PRKD2: variants seen among roughly 807,000 people sequenced by gnomAD.
The protein encoded by PRKD2 is serine/threonine-protein kinase D2.
In PRKD2, 22 loss-of-function variants were observed where a neutral mutation model predicts 86.0. The observed-to-expected ratio is 0.26, with a 90% CI of 0.18 to 0.37. The LOEUF (loss-of-function observed/expected upper bound fraction) is 0.37. Ranked by LOEUF, PRKD2 falls within the 10% of genes least tolerant of loss-of-function variation. PRKD2 has a pLI of 1.00. For synonymous variants in PRKD2, 509 were observed against 510.9 expected, an observed-to-expected ratio of 1.00 and a Z score of 0.05; for missense variants, 818 against 1,199.2, an observed-to-expected ratio of 0.68 and a Z score of 4.70.
chr19:46,691,213 G>A (rs2053478974), intron 12 of PRKD2, among the ~76,000 whole-genome samples: 1 of 152,058 alleles, frequency 6.6e-6, no homozygotes, highest in African/African-American at 2.4e-5. Context: ...TGGCCAATCA[G>A]AATGCAGAAT....
chr19:46,695,632 T>C (rs1004238109), intron 9 of PRKD2, among the ~76,000 whole-genome samples: 1 of 151,894 alleles, frequency 6.6e-6, no homozygotes, highest in Non-Finnish European at 1.5e-5. Context: ...GCAGATGGAA[T>C]AGAATGAGAT....
chr19:46,714,116 C>T, intron 1 of PRKD2, 115 bp from the exon 2 acceptor site: 1 of 1,442,946 alleles, frequency 6.9e-7, no homozygotes, highest in East Asian at 2.5e-5. Context: ...ACGCAGAGAC[C>T]CCGCAGGCCC....
chr19:46,714,490 C>CGGGGGGGGG (rs1254751346), intron 1 of PRKD2: 9 of 43,564 alleles, frequency 2.1e-4, no homozygotes, highest in Admixed American at 4.6e-4. Flanking sequence ...GGGGGGGGGC[C>CGGGGGGGGG]GGGGGACTTG....
At chr19:46,694,488 G>T (rs544741697) in intron 9 of PRKD2, among the ~76,000 whole-genome samples, 1 of 152,024 alleles carries the variant, frequency 6.6e-6, no homozygotes, top group Non-Finnish European at 1.5e-5. Flanking sequence ...CCAGCTAATC[G>T]GGAGGCTGAG....
chr19:46,674,972 C>T (rs994761716), intron 17 of PRKD2, 61 bp downstream of exon 17: 21 of 1,460,912 alleles, frequency 1.4e-5, no homozygotes, highest in Admixed American at 9.8e-5. Context: ...AGCCAATAAG[C>T]GATCTACTCC....
At chr19:46,694,217 C>T in intron 9 of PRKD2, 84 bp from the exon 10 acceptor site, 2 of 1,538,684 alleles carry the variant, frequency 1.3e-6, no homozygotes, top group African/African-American at 1.4e-5. Context: ...ACACGGGATC[C>T]ATGTTGATAG....
At chr19:46,710,730 CCTTCCCCAAG>C (rs2053793467) in intron 3 of PRKD2, 167 bp downstream of exon 3, 1 of 778,384 alleles carries the variant, frequency 1.3e-6, no homozygotes, top group Non-Finnish European at 2.0e-6. Flanking sequence ...CCCCACCACT[CCTTCCCCAAG>C]CTCTGCTTCT....
intron 7 of PRKD2, 78 bp from the exon 8 acceptor site, chr19:46,697,928 G>T: frequency 9.0e-7 from 1 of 1,107,864 alleles, no homozygotes. Flanking sequence ...GGGCATCTCT[G>T]GGAAACTAGG....
intron 14 of PRKD2, among the ~76,000 whole-genome samples, chr19:46,682,124 A>G (rs1207869252): frequency 6.6e-6 from 1 of 152,022 alleles, no homozygotes; most frequent in Non-Finnish European, 1.5e-5. Context: ...CTCCTGCCTC[A>G]GCCTCCCGAG....
intron 16 of PRKD2, among the ~76,000 whole-genome samples, chr19:46,676,880 C>A (rs906965663): frequency 6.6e-6 from 1 of 151,912 alleles, no homozygotes; most frequent in African/African-American, 2.4e-5. Flanking sequence ...GCTAACATGG[C>A]GAAACCCTGT....
At chr19:46,707,139 G>A (rs998582514) in intron 3 of PRKD2, among the ~76,000 whole-genome samples, 111 of 151,678 alleles carry the variant, frequency 7.3e-4, no homozygotes, top group Non-Finnish European at 1.8e-4. Flanking sequence ...TGATCCGCCC[G>A]CCTTGGCCTC....
chr19:46,708,396 C>T (rs2053749324), intron 3 of PRKD2, among the ~76,000 whole-genome samples: 1 of 148,946 alleles, frequency 6.7e-6, no homozygotes, highest in Non-Finnish European at 1.5e-5. Flanking sequence ...CGGCTCACCG[C>T]AGCCTCAACC....
intron 5 of PRKD2, among the ~76,000 whole-genome samples, chr19:46,701,989 A>G (rs530356774): frequency 6.7e-6 from 1 of 150,340 alleles, no homozygotes; most frequent in South Asian, 2.1e-4. Context: ...CGAAGATTCT[A>G]GAGTTTACTA....
intron 15 of PRKD2, among the ~76,000 whole-genome samples, chr19:46,679,419 A>G (rs1265849254): frequency 6.6e-6 from 1 of 152,224 alleles, no homozygotes; most frequent in Non-Finnish European, 1.5e-5. Flanking sequence ...AGAGAAATGT[A>G]TGCAACGTGT....
At chr19:46,675,440 T>A (rs2053184859) in intron 16 of PRKD2, among the ~76,000 whole-genome samples, 1 of 152,200 alleles carries the variant, frequency 6.6e-6, no homozygotes, top group African/African-American at 2.4e-5. Context: ...CTATTCTTTT[T>A]ATTTTTACTT....
At chr19:46,687,749 T>C (rs955613033) in intron 14 of PRKD2, among the ~76,000 whole-genome samples, 32 of 152,226 alleles carry the variant, frequency 2.1e-4, no homozygotes, top group African/African-American at 7.5e-4. Context: ...TGGGGCTGTA[T>C]TGGTCATCCC....
rs1391627261 is a variant in PRKD2 at position 46,690,668 on chromosome 19, C to T, written c.1741G>A (p.Val581Ile). 5 of 1,614,066 alleles carry T rather than the reference C, an allele frequency of 3.1e-6. No individual in the cohort carries two copies. Among genetic ancestry groups the T allele is most frequent in the Non-Finnish European group, 4.2e-6 (5 of 1,180,050 alleles). The part of the protein sequence containing the change: ...RKTGRDVAVK[V>I]IDKLRFPTKQ... ...GTAGGGAAGCGCAGTTTGTCAATGA[C>T]CTTAACTGCCACGTCCCGGCCTGTC... The change falls in exon 13 of 18, where the codon GTC becomes ATC. Residue 581 changes from valine (V) to isoleucine (I), a missense_variant. Around this residue, in one of 5 missense-constraint regions of PRKD2, gnomAD observed 154 missense variants for 359.6 expected, o/e 0.43. Transcript: ENST00000291281.
chr19:46,708,830 C>T (rs1160773066), intron 3 of PRKD2, among the ~76,000 whole-genome samples: 1 of 152,164 alleles, frequency 6.6e-6, no homozygotes, highest in African/African-American at 2.4e-5. Flanking sequence ...TTTGTTAAGG[C>T]AGCCCTGACA....
intron 13 of PRKD2, 46 bp from the exon 14 acceptor site, chr19:46,689,744 C>T (rs1017326778): frequency 6.2e-7 from 1 of 1,608,246 alleles, no homozygotes; most frequent in Non-Finnish European, 8.5e-7. Flanking sequence ...CCCACAAACT[C>T]AGACCCCAAC....
Sources: gnomAD v4.1 joint callset for allele counts (sites outside exome capture counted in the v4.1 genomes callset) on GRCh38, gnomAD v4.1.1 for gene constraint, gnomAD v4.1.1 regional missense constraint, MANE v1.5 for transcripts, NCBI Gene and HGNC (gene_info 2026-07-23, HGNC 2026-07-21) for gene names.